Variants in DEPDC5 observed in about 807,000 individuals in gnomAD.
The protein encoded by DEPDC5 is GATOR1 complex protein DEPDC5.
A neutral mutation model predicts 217.3 loss-of-function variants in DEPDC5; 73 were observed. That is an observed-to-expected ratio of 0.34 (90% CI 0.28 to 0.41). DEPDC5 has a LOEUF of 0.41. DEPDC5 is among the 10% of genes least tolerant of loss of function. DEPDC5 has a pLI of 1.00. For missense variants in DEPDC5, 1,675 were observed against 2,070.1 expected, an observed-to-expected ratio of 0.81 and a Z score of 3.70; for synonymous variants, 733 against 756.7, an observed-to-expected ratio of 0.97 and a Z score of 0.51.
chr22:31,805,866 G>A (rs2148663264), intron 17 of DEPDC5, among the ~76,000 whole-genome samples: 1 of 152,280 alleles, frequency 6.6e-6, no homozygotes, highest in African/African-American at 2.4e-5. Context: ...GGGATGCTGA[G>A]GTGGGAGGAA....
At chr22:31,829,673 A>G (rs372880181) in intron 24 of DEPDC5, among the ~76,000 whole-genome samples, 4 of 152,188 alleles carry the variant, frequency 2.6e-5, no homozygotes, top group African/African-American at 9.7e-5. Flanking sequence ...TATGTGAATC[A>G]TGATTCACAG....
chr22:31,821,261 G>A (rs1336813456), intron 22 of DEPDC5, among the ~76,000 whole-genome samples: 1 of 152,216 alleles, frequency 6.6e-6, no homozygotes, highest in Admixed American at 6.5e-5. Context: ...ACACACCTGA[G>A]GCAGAATATC....
At chr22:31,795,372 C>T (rs2086129290) in intron 12 of DEPDC5, among the ~76,000 whole-genome samples, 1 of 151,232 alleles carries the variant, frequency 6.6e-6, no homozygotes, top group African/African-American at 2.4e-5. Context: ...GCTGGGCCTC[C>T]ATGTGATTTT....
intron 24 of DEPDC5, among the ~76,000 whole-genome samples, chr22:31,827,225 A>G (rs1361418603): frequency 6.6e-6 from 1 of 152,144 alleles, no homozygotes; most frequent in Admixed American, 6.6e-5. Context: ...GTGGCCATCA[A>G]GAGGTGATCT....
intron 2 of DEPDC5, chr22:31,757,143 T>G (rs1034194573): frequency 6.6e-6 from 1 of 151,766 alleles, no homozygotes; most frequent in Non-Finnish European, 1.5e-5. Flanking sequence ...GGGAGGAAGC[T>G]CCAAAGAGCA....
chr22:31,755,138 G>A (rs1363305285), intron 2 of DEPDC5, 159 bp downstream of exon 2: 4 of 719,044 alleles, frequency 5.6e-6, no homozygotes, highest in African/African-American at 3.5e-5. Flanking sequence ...TAGGAGGATG[G>A]CAGGACCCTT....
At position 31,766,637 on chromosome 22, in the gene DEPDC5, G is replaced by A. The variant is rs878854279; in HGVS notation, c.332G>A (p.Arg111His). 4 of 1,613,664 alleles carry A rather than the reference G, an allele frequency of 2.5e-6. No individual in the cohort carries two copies. The highest frequency in any genetic ancestry group is 1.7e-6 in the Non-Finnish European group (2 of 1,179,914). The stretch of plus-strand genomic sequence containing the variant: ...ACTTTTAAGGATCAGTATATTGGCC[G>A]TGGGGATATGTGGCGACTAAAGAAA... ...ELTFKDQYIG[R>H]GDMWRLKKSL... Residue 111 changes from arginine (R) to histidine (H), a missense_variant, in exon 6 of 43, where the codon CGT (arginine) becomes CAT (histidine). Physicochemically the swap from Arg to His is conservative, Grantham distance 29. Transcript: ENST00000651528.
At position 31,797,233 on chromosome 22, in the gene DEPDC5, C is replaced by G. The variant is rs543454721; in HGVS notation, c.768-367C>G. On this transcript the variant is annotated intron_variant, in intron 12 of 42. Transcript: ENST00000651528. ...TTTCTCACTGCTGTAAAGACATACC[C>G]AAGACTGGGTAATTTATAAAGAAAA... 3.0e-3 allele frequency among the ~76,000 whole-genome samples: 463 copies of G among 152,102 alleles called. 2 individuals are homozygous for G. Among genetic ancestry groups the G allele is most frequent in the Non-Finnish European group, 5.7e-3 (385 of 67,996 alleles).
At chr22:31,799,650 C>T (rs2086648102) in intron 14 of DEPDC5, among the ~76,000 whole-genome samples, 1 of 149,362 alleles carries the variant, frequency 6.7e-6, no homozygotes, top group South Asian at 2.1e-4. Flanking sequence ...TACAGGTGTG[C>T]ACCACCATGC....
In DEPDC5 at chr22:31,815,445, T is replaced by A. The variant is rs1006947324; in HGVS notation, c.1666+233T>A. 2.2e-5 allele frequency: 14 copies of A among 633,968 alleles called. No individual in the cohort carries two copies. The African/African-American group carries it at 2.7e-4, about 12-fold the overall frequency. 39.3% of individuals were successfully genotyped at this position (633,968 alleles called of 1,614,324 possible). On this transcript the variant is annotated intron_variant, in intron 21 of 42. Transcript: ENST00000651528. The stretch of plus-strand genomic sequence containing the variant: ...CCTAGGATAAAGTGCAGTGATGCAA[T>A]CACAGCTCACCTCAGTGCGGCCTTG...
chr22:31,852,740 A>T (rs1363942806), intron 31 of DEPDC5, among the ~76,000 whole-genome samples: 1 of 152,352 alleles, frequency 6.6e-6, no homozygotes, highest in East Asian at 1.9e-4. Flanking sequence ...AAAAAAACAA[A>T]ACCATGGTAT....
chr22:31,888,265 T>TG (rs1360548204), intron 38 of DEPDC5, among the ~76,000 whole-genome samples: 2 of 147,610 alleles, frequency 1.4e-5, no homozygotes, highest in Non-Finnish European at 3.0e-5. Context: ...TTTTTTTTTT[T>TG]TGGAGACGGA....
chr22:31,834,024 G>A (rs2090801476), intron 25 of DEPDC5, 44 bp downstream of exon 25: 1 of 1,592,888 alleles, frequency 6.3e-7, no homozygotes, highest in Non-Finnish European at 8.6e-7. Flanking sequence ...GACAGGGAGT[G>A]TGGGGTGGTC....
chr22:31,814,976 G>T lies in DEPDC5; in HGVS notation c.1446-16G>T. 1 of 1,613,636 alleles carries T rather than the reference G, an allele frequency of 6.2e-7. No homozygotes were observed. Among genetic ancestry groups the T allele is most frequent in the Non-Finnish European group, 8.5e-7 (1 of 1,179,754 alleles). On this transcript the variant is annotated splice_polypyrimidine_tract_variant and intron_variant, in intron 20 of 42. Coordinates refer to ENST00000651528, the MANE Select transcript of DEPDC5 (RefSeq NM_001242896.3). ...ATCCCTCGCTTGATGGTAACTTTTT[G>T]TCTCTTGCCTGGCAGATCTGTGCGA...
chr22:31,879,993 G>A (rs1293183991), intron 38 of DEPDC5: 2 of 513,348 alleles, frequency 3.9e-6, no homozygotes, highest in African/African-American at 1.9e-5. Flanking sequence ...CATAGTGCCA[G>A]ACCTGTTCGG....
chr22:31,897,371 T>C, intron 39 of DEPDC5, 111 bp from the exon 40 acceptor site: 1 of 1,371,154 alleles, frequency 7.3e-7, no homozygotes, highest in Non-Finnish European at 9.9e-7. Flanking sequence ...TAAATGAGCA[T>C]GCAAATCAAT....
intron 38 of DEPDC5, among the ~76,000 whole-genome samples, chr22:31,889,900 G>A (rs1195484259): frequency 6.6e-6 from 1 of 152,186 alleles, no homozygotes; most frequent in African/African-American, 2.4e-5. Context: ...GAGACAGAAT[G>A]TAGTTTTGAT....
chr22:31,814,056 A>C (rs2088776931), intron 20 of DEPDC5: 1 of 152,056 alleles, frequency 6.6e-6, no homozygotes, highest in African/African-American at 2.4e-5. Context: ...AATCACTTGA[A>C]CCCAGGATGT....
chr22:31,897,860 T>C (rs916309969), intron 40 of DEPDC5, among the ~76,000 whole-genome samples: 1 of 152,158 alleles, frequency 6.6e-6, no homozygotes, highest in African/African-American at 2.4e-5. Flanking sequence ...TCTCTGAGTC[T>C]CGAATTCCTT....
Sources: gnomAD v4.1 joint callset for allele counts (sites outside exome capture counted in the v4.1 genomes callset) on GRCh38, gnomAD v4.1.1 for gene constraint, MANE v1.5 for transcripts, NCBI Gene and HGNC (gene_info 2026-07-23, HGNC 2026-07-21) for gene names.